The following ATXN2 variants were observed in gnomAD, a reference collection of about 807,000 sequenced individuals.
ATXN2 encodes ataxin 2.
ATXN2 carries 37 observed loss-of-function variants against 138.6 expected under a neutral mutation model. The ratio of observed to expected loss-of-function variants is 0.27; its 90% CI spans 0.21 to 0.35. The LOEUF (loss-of-function observed/expected upper bound fraction) is 0.35. Ranked by LOEUF, ATXN2 falls within the 10% of genes least tolerant of loss-of-function variation. The pLI is 1.00. For missense variants in ATXN2, 1,216 were observed against 1,480.3 expected, an observed-to-expected ratio of 0.82 and a Z score of 2.93; for synonymous variants, 549 against 543.7, an observed-to-expected ratio of 1.01 and a Z score of -0.13.
Position 111,483,088 on chromosome 12 carries a change from G to C in ATXN2, c.2524+2177C>G, listed in dbSNP as rs866214446. 5.3e-5 allele frequency among the ~76,000 whole-genome samples: 8 copies of C among 151,848 alleles called. No individual in the cohort carries two copies. The South Asian group carries it at 6.2e-4, about 12-fold the overall frequency. ...TGTAGCCCCCGCTATCCAGGGGACT[G>C]AGAAGGGAGGATCGCTTGAGCCCAG... On this transcript the variant is annotated intron_variant, in intron 18 of 24. Transcript: ENST00000673436.
At chr12:111,468,927 C>T (rs1876223542) in intron 20 of ATXN2, 1 of 152,142 alleles carries the variant, frequency 6.6e-6, no homozygotes, top group South Asian at 2.1e-4. Context: ...GTCTCGATCT[C>T]CTGACCTCAT....
At chr12:111,474,825 T>C (rs1157857095) in intron 18 of ATXN2, among the ~76,000 whole-genome samples, 1 of 152,186 alleles carries the variant, frequency 6.6e-6, no homozygotes, top group Non-Finnish European at 1.5e-5. Context: ...GGCTCACACC[T>C]GTAATCCCAG....
At chr12:111,475,692 C>T (rs897641906) in intron 18 of ATXN2, among the ~76,000 whole-genome samples, 1 of 150,248 alleles carries the variant, frequency 6.7e-6, no homozygotes, top group Non-Finnish European at 1.5e-5. Context: ...TTTAAAAAGG[C>T]AACTGATTTT....
intron 5 of ATXN2, among the ~76,000 whole-genome samples, chr12:111,541,996 G>A (rs1034275607): frequency 8.1e-5 from 12 of 147,688 alleles, no homozygotes; most frequent in Non-Finnish European, 1.4e-4. Context: ...TCAAACTCCC[G>A]TCCTCAAGTG....
At chr12:111,573,138 T>C (rs1413160295) in intron 1 of ATXN2, among the ~76,000 whole-genome samples, 2 of 152,100 alleles carry the variant, frequency 1.3e-5, no homozygotes, top group East Asian at 1.9e-4. Context: ...AGAAATTTTA[T>C]TGCTGACAAT....
At chr12:111,566,345 T>G (rs909634208) in intron 1 of ATXN2, among the ~76,000 whole-genome samples, 23 of 150,728 alleles carry the variant, frequency 1.5e-4, no homozygotes, top group Non-Finnish European at 3.1e-4. Context: ...GGCAGGAGAA[T>G]TGCTTGAACC....
At chr12:111,584,094 A>T (rs998201490) in intron 1 of ATXN2, among the ~76,000 whole-genome samples, 9 of 148,338 alleles carry the variant, frequency 6.1e-5, no homozygotes, top group South Asian at 2.1e-4. Context: ...TTAAAAAAAA[A>T]TTTTTGGCTA....
At chr12:111,533,301 C>T (rs1053624127) in intron 5 of ATXN2, among the ~76,000 whole-genome samples, 5 of 152,048 alleles carry the variant, frequency 3.3e-5, no homozygotes, top group Admixed American at 6.6e-5. Flanking sequence ...TTCTAATACC[C>T]CCTAGGGATA....
chr12:111,573,046 T>TAAAA (rs979997904), intron 1 of ATXN2, among the ~76,000 whole-genome samples: 1 of 150,228 alleles, frequency 6.7e-6, no homozygotes, highest in African/African-American at 2.4e-5. Context: ...TTCAAAATTT[T>TAAAA]AAAAAAAAAA....
chr12:111,598,081 G>A lies in ATXN2; in HGVS notation c.251+703C>T. ...GGTGGGGGAGGGTGGAACGCTGCCG[G>A]AGGCCACATGGAGCCCCACGATTTC... On this transcript the variant is annotated intron_variant, in intron 1 of 24. Coordinates refer to ENST00000673436, the MANE Select transcript of ATXN2 (RefSeq NM_001372574.1). This position sits in a 1 kb window ranked among gnomAD's most constrained non-coding sequence, Gnocchi z 4.5. The A allele has an allele frequency of 8.8e-7, 1 of 1,139,896 alleles. No homozygotes were observed. Among genetic ancestry groups the A allele is most frequent in the Non-Finnish European group, 1.1e-6 (1 of 913,948 alleles). 70.6% of individuals were successfully genotyped at this position (1,139,896 alleles called of 1,614,324 possible).
intron 5 of ATXN2, among the ~76,000 whole-genome samples, chr12:111,537,347 G>A (rs1015299137): frequency 6.6e-6 from 1 of 152,098 alleles, no homozygotes; most frequent in Non-Finnish European, 1.5e-5. Context: ...CACTTTGGGA[G>A]TCCGAGGTGG....
At chr12:111,528,420 T>C (rs1437763936) in intron 5 of ATXN2, among the ~76,000 whole-genome samples, 1 of 152,216 alleles carries the variant, frequency 6.6e-6, no homozygotes, top group African/African-American at 2.4e-5. Flanking sequence ...TAAGAGCCAG[T>C]GTGGAAAAGC....
chr12:111,586,371 G>A (rs1329119341), intron 1 of ATXN2, among the ~76,000 whole-genome samples: 2 of 134,150 alleles, frequency 1.5e-5, no homozygotes, highest in Non-Finnish European at 3.2e-5. Context: ...ACAGGCGCCC[G>A]CCCAGCCCCA....
chr12:111,516,296 G>A lies in ATXN2; in HGVS notation c.1233C>T (p.Pro411=), dbSNP rs1214242639. The A allele has an allele frequency of 6.3e-7, 1 of 1,582,762 alleles. No homozygotes were observed. Among genetic ancestry groups the A allele is most frequent in the Non-Finnish European group, 8.6e-7 (1 of 1,169,432 alleles). ...SRPPSRYQSG[P]NSLPPRAATP... is the part of the protein sequence containing the mutation. ...TGGCTGCCCGAGGTGGAAGAGAGTT[G>A]GGACCTGACTGGTAGCGAGAAGGTG... The change falls in exon 10 of 25, where the codon CCC becomes CCT. Residue 411 remains proline (P), a synonymous_variant. Coordinates refer to ENST00000673436, the MANE Select transcript of ATXN2 (RefSeq NM_001372574.1). The surrounding 1 kb of genome is among the most constrained non-coding windows in gnomAD (Gnocchi z 5.0).
chr12:111,590,774 G>T (rs902974246), intron 1 of ATXN2, among the ~76,000 whole-genome samples: 1 of 152,048 alleles, frequency 6.6e-6, no homozygotes, highest in Admixed American at 6.6e-5. Context: ...TGTTAGATCA[G>T]GTGCAGCATT....
At chr12:111,511,666 A>G (rs1302936133) in intron 11 of ATXN2, 3 of 151,940 alleles carry the variant, frequency 2.0e-5, no homozygotes, top group African/African-American at 7.3e-5. Context: ...ACGTTTCACC[A>G]TGTTGGCCAG....
intron 18 of ATXN2, among the ~76,000 whole-genome samples, chr12:111,474,575 A>G (rs1473563164): frequency 6.6e-6 from 1 of 151,940 alleles, no homozygotes; most frequent in Non-Finnish European, 1.5e-5. Context: ...ACTGCACTCC[A>G]AGCCTGGGCA....
intron 1 of ATXN2, among the ~76,000 whole-genome samples, chr12:111,586,969 G>A (rs1884375618): frequency 6.6e-6 from 1 of 150,640 alleles, no homozygotes; most frequent in African/African-American, 2.4e-5. Context: ...AGTTCTCAAA[G>A]AGGCCATAAA....
rs966086381 is a variant in ATXN2, at chr12:111,540,287, T to A, written c.571+11993A>T. ...AAACTAGATAGTAAGTATATTAGCA[T>A]TACACAACCCTATCAGTAAACAGTC... On this transcript the variant is annotated intron_variant, in intron 5 of 24. Transcript: ENST00000673436. 8.6e-5 allele frequency among the ~76,000 whole-genome samples: 13 copies of A among 150,684 alleles called. 1 individual carries two copies. Among genetic ancestry groups the A allele is most frequent in the African/African-American group, 2.7e-4 (11 of 41,474 alleles).
Sources: allele counts gnomAD v4.1 joint callset (sites outside exome capture counted in the v4.1 genomes callset), GRCh38; gene constraint gnomAD v4.1.1; non-coding constraint Gnocchi (gnomAD v3.1); transcripts MANE v1.5; gene names NCBI Gene and HGNC (gene_info 2026-07-23, HGNC 2026-07-21).